The following WDR49 variants were observed in gnomAD, a reference collection of about 807,000 sequenced individuals.
WDR49 encodes the protein cilia- and flagella-associated protein 337.
WDR49 carries 107 observed loss-of-function variants against 119.5 expected under a neutral mutation model. The observed-to-expected ratio is 0.90, with a 90% CI of 0.77 to 1.05. WDR49 has a LOEUF of 1.05. WDR49 is among the 50% of genes least tolerant of loss of function. WDR49 has a pLI of 0.00. For synonymous variants in WDR49, 425 were observed against 418.8 expected (o/e 1.01, Z -0.18); for missense variants, 1,240 against 1,220.5 (o/e 1.02, Z -0.24).
chr3:167,506,987 G>T (rs1440859945), intron 16 of WDR49, among the ~76,000 whole-genome samples: 2 of 151,996 alleles, frequency 1.3e-5, no homozygotes, highest in Non-Finnish European at 2.9e-5. Flanking sequence ...TCAAACCAAG[G>T]GTGCATGCTA....
Position 167,576,077 on chromosome 3 carries a change from G to A in WDR49, c.1350C>T (p.Asp450=), listed in dbSNP as rs750621155. 1.9e-6 allele frequency: 3 copies of A among 1,614,146 alleles called. No homozygotes were observed. Among genetic ancestry groups the A allele is most frequent in the Non-Finnish European group, 1.7e-6 (2 of 1,180,022 alleles). Residue 450 remains aspartate, a synonymous_variant, in exon 8 of 19, where the codon GAC becomes GAT. Coordinates refer to ENST00000682715, the MANE Select transcript of WDR49 (RefSeq NM_001366157.1). ...CATCAAAGTGGAAGAGACATCTGAA[G>A]TCCTGACTTTTGGGGAAAGAACAAG... is the stretch of plus-strand genomic sequence containing the variant. ...RIACSFPKSQ[D]FRCLFHFDEA...
chr3:167,655,118 A>C (rs943815993), upstream of WDR49, among the ~76,000 whole-genome samples: 3 of 152,174 alleles, frequency 2.0e-5, no homozygotes, highest in African/African-American at 7.2e-5. Context: ...ATCATGACAG[A>C]AAGCTAATGA....
intron 10 of WDR49, among the ~76,000 whole-genome samples, chr3:167,537,288 C>T (rs895792283): frequency 4.6e-5 from 7 of 152,096 alleles, no homozygotes; most frequent in Non-Finnish European, 2.9e-5. Flanking sequence ...TCCATCACCA[C>T]GACCCTAAAG....
chr3:167,599,133 T>G (rs1480075349), intron 7 of WDR49, among the ~76,000 whole-genome samples: 1 of 152,186 alleles, frequency 6.6e-6, no homozygotes, highest in Non-Finnish European at 1.5e-5. Context: ...ATGGTCAGCA[T>G]GTGGTTAAGC....
intron 2 of WDR49, among the ~76,000 whole-genome samples, chr3:167,636,840 G>C (rs1014359694): frequency 4.6e-5 from 7 of 151,584 alleles, no homozygotes; most frequent in African/African-American, 1.7e-4. Flanking sequence ...TGATGGGATT[G>C]TTTCTTTTTT....
intron 16 of WDR49, among the ~76,000 whole-genome samples, chr3:167,509,697 T>C (rs1252106865): frequency 6.6e-6 from 1 of 152,178 alleles, no homozygotes; most frequent in African/African-American, 2.4e-5. Flanking sequence ...TCTCAAAGAA[T>C]GTATTCTAAT....
chr3:167,652,174 A>G (rs1162593674), intron 2 of WDR49, among the ~76,000 whole-genome samples: 1 of 152,222 alleles, frequency 6.6e-6, no homozygotes, highest in Non-Finnish European at 1.5e-5. Flanking sequence ...AGAAAAGTGT[A>G]GGACAGAGCA....
chr3:167,538,017 C>A (rs953141288), intron 10 of WDR49, among the ~76,000 whole-genome samples: 2 of 152,008 alleles, frequency 1.3e-5, no homozygotes, highest in East Asian at 3.9e-4. Context: ...ATTTTCTATT[C>A]CCTTCTTTCT....
At chr3:167,479,566 C>T (rs1750616210) in intron 18 of WDR49, among the ~76,000 whole-genome samples, 3 of 152,086 alleles carry the variant, frequency 2.0e-5, no homozygotes, top group Admixed American at 2.0e-4. Flanking sequence ...ATTATTTAAA[C>T]AAATGCTTAT....
chr3:167,592,343 C>G (rs887242792), intron 7 of WDR49, among the ~76,000 whole-genome samples: 1 of 152,026 alleles, frequency 6.6e-6, no homozygotes, highest in Non-Finnish European at 1.5e-5. Context: ...CAATAGCTTA[C>G]ACAGCACAGT....
At chr3:167,604,539 G>C (rs1715947664) in intron 5 of WDR49, 71 bp from the exon 6 acceptor site, 2 of 1,383,988 alleles carry the variant, frequency 1.4e-6, no homozygotes, top group Non-Finnish European at 1.9e-6. Context: ...AAATGGAGCT[G>C]TTTTAATATG....
intron 7 of WDR49, among the ~76,000 whole-genome samples, chr3:167,595,784 A>G (rs1437917428): frequency 6.6e-6 from 1 of 151,812 alleles, no homozygotes; most frequent in Non-Finnish European, 1.5e-5. Flanking sequence ...AAACCTAGGC[A>G]TTACCATTCA....
chr3:167,533,237 C>A (rs1752912967), intron 11 of WDR49, among the ~76,000 whole-genome samples: 1 of 152,034 alleles, frequency 6.6e-6, no homozygotes, highest in African/African-American at 2.4e-5. Context: ...ATAAAGCATT[C>A]AGAACAGATG....
intron 10 of WDR49, among the ~76,000 whole-genome samples, chr3:167,545,502 T>TA (rs932195699): frequency 2.0e-5 from 2 of 98,630 alleles, no homozygotes; most frequent in African/African-American, 3.6e-5. Context: ...ATATTATATA[T>TA]TATATATTAT....
intron 2 of WDR49, among the ~76,000 whole-genome samples, chr3:167,637,120 T>A (rs1717656034): frequency 6.6e-6 from 1 of 151,956 alleles, no homozygotes; most frequent in Admixed American, 6.6e-5. Flanking sequence ...ATTTTTATAG[T>A]TTCAGGTCTT....
In WDR49 at chr3:167,592,931, T is replaced by G. The variant is rs983437878; in HGVS notation, c.1275+9196A>C. Among the ~76,000 whole-genome samples, 4 of 152,318 alleles carry G rather than the reference T, an allele frequency of 2.6e-5. No individual in the cohort carries two copies. In the East Asian group the frequency reaches 7.7e-4, roughly 29 times the overall value. On this transcript the variant is annotated intron_variant, in intron 7 of 18. Transcript: ENST00000682715. ...TCAGAACTTTAAATATGCTATTCTCTCCTGGCCTGTAAGATTTCCCTGAAA... is the reference window on the plus strand; with the variant it reads ...TCAGAACTTTAAATATGCTATTCTCGCCTGGCCTGTAAGATTTCCCTGAAA...
In WDR49 at chr3:167,529,065, A is replaced by G. The variant is rs1403885682; in HGVS notation, c.2393T>C (p.Ile798Thr). ...TTGDLDGWLKIWNIEEYCLNS... is the reference protein window; with the variant it reads ...TTGDLDGWLKTWNIEEYCLNS... ...TTTTCAATTTACCTCTATATTCCAG[A>G]TTTTCAACCATCCATCAAGATCTCC... The change falls in exon 14 of 19, where the codon ATC becomes ACC. Residue 798 changes from isoleucine (I) to threonine (T), a missense_variant. By Grantham distance (89) the Ile-to-Thr change is moderately conservative. Coordinates refer to ENST00000682715, the MANE Select transcript of WDR49 (RefSeq NM_001366157.1). 6.3e-7 allele frequency: 1 copy of G among 1,580,176 alleles called. No individual in the cohort carries two copies. Among genetic ancestry groups the G allele is most frequent in the East Asian group, 2.3e-5 (1 of 44,250 alleles).
chr3:167,514,713 A>G (rs1478419358), intron 16 of WDR49, among the ~76,000 whole-genome samples: 1 of 151,990 alleles, frequency 6.6e-6, no homozygotes, highest in East Asian at 1.9e-4. Flanking sequence ...TTTTTGAAAA[A>G]AATTAAGAAA....
chr3:167,616,303 T>A (rs1285156010), intron 5 of WDR49, among the ~76,000 whole-genome samples: 2 of 152,244 alleles, frequency 1.3e-5, no homozygotes, highest in South Asian at 2.1e-4. Context: ...CCAGCCATGA[T>A]GGCATAACAA....
Sources: allele counts gnomAD v4.1 joint callset (sites outside exome capture counted in the v4.1 genomes callset), GRCh38; gene constraint gnomAD v4.1.1; transcripts MANE v1.5; gene names NCBI Gene and HGNC (gene_info 2026-07-23, HGNC 2026-07-21).